Variants in RPS6KA2 observed in about 807,000 individuals in gnomAD.
RPS6KA2 encodes ribosomal protein S6 kinase A2, also known as ribosomal protein S6 kinase alpha-2.
In RPS6KA2, 42 loss-of-function variants were observed where a neutral mutation model predicts 91.8. The ratio of observed to expected loss-of-function variants is 0.46; its 90% CI spans 0.36 to 0.59. RPS6KA2 has a LOEUF of 0.59. RPS6KA2 is among the 20% of genes least tolerant of loss of function. The probability of loss-of-function intolerance (pLI) is 0.00; values close to 1 mark genes in which losing one functional copy is unlikely to be tolerated. For synonymous variants in RPS6KA2, 414 were observed against 393.6 expected (o/e 1.05, Z -0.61); for missense variants, 798 against 978.5 (o/e 0.82, Z 2.46).
At chr6:166,829,998 C>T (rs532733766) in intron 2 of RPS6KA2, among the ~76,000 whole-genome samples, 6 of 151,788 alleles carry the variant, frequency 4.0e-5, no homozygotes, top group East Asian at 3.9e-4. Flanking sequence ...TAGTGGTGGG[C>T]GCCTGTAATC....
rs114288405 is a variant in RPS6KA2 at position 166,485,033 on chromosome 6, C to T, written c.907+3800G>A. The stretch of plus-strand genomic sequence containing the variant: ...CCTGAGGCTCGAAGAACGACCTGTT[C>T]TCCTGGTTCATTAGAAATCCGCCCA... On this transcript the variant is annotated intron_variant, in intron 10 of 20. Coordinates refer to ENST00000265678, the MANE Select transcript of RPS6KA2 (RefSeq NM_021135.6). 1.9e-3 allele frequency among the ~76,000 whole-genome samples: 289 copies of T among 152,362 alleles called. 1 individual carries two copies. The highest frequency in any genetic ancestry group is 6.9e-3 in the African/African-American group (285 of 41,582).
At chr6:166,777,416 G>A (rs904721178) in intron 2 of RPS6KA2, among the ~76,000 whole-genome samples, 1 of 152,136 alleles carries the variant, frequency 6.6e-6, no homozygotes, top group Non-Finnish European at 1.5e-5. Flanking sequence ...CTGAAACTGA[G>A]CCACGGGGAA....
chr6:166,411,215 TTTA>T lies in RPS6KA2; in HGVS notation c.*1544_*1546del, dbSNP rs965437244. The T allele has an allele frequency of 2.7e-5, 4 of 148,918 alleles. No homozygotes were observed. Among genetic ancestry groups the T allele is most frequent in the African/African-American group, 1.0e-4 (4 of 38,346 alleles). 9.2% of individuals were successfully genotyped at this position (148,918 alleles called of 1,614,324 possible). A position where few individuals can be genotyped will look rare whatever the true frequency, so the allele number is the denominator to read the frequency against. On this transcript the variant is annotated 3_prime_UTR_variant, in exon 21 of 21. Coordinates refer to ENST00000265678, the MANE Select transcript of RPS6KA2 (RefSeq NM_021135.6). The surrounding 1 kb of genome is among the most constrained non-coding windows in gnomAD (Gnocchi z 4.5). The stretch of plus-strand genomic sequence containing the variant: ...TTTTCAGAACGCAGCACATTTTTTC[TTTA>T]TTTTTTTTTTTTTAGTTGGGTACGA...
At chr6:166,586,571 C>T in intron 1 of RPS6KA2, 1 of 1,237,904 alleles carries the variant, frequency 8.1e-7, no homozygotes, top group Non-Finnish European at 1.1e-6. Flanking sequence ...TCAGGCCGAA[C>T]CCCGCCGGCG....
intron 2 of RPS6KA2, among the ~76,000 whole-genome samples, chr6:166,829,589 C>CAAAAAAAAAA (rs57711560): frequency 1.0e-4 from 10 of 96,894 alleles, no homozygotes; most frequent in African/African-American, 3.8e-4. Context: ...GACTCTGTCT[C>CAAAAAAAAAA]AAAAAAAAAA....
Position 166,616,155 on chromosome 6 carries a change from C to A in RPS6KA2, c.99+10766G>T, listed in dbSNP as rs199801588. Among the ~76,000 whole-genome samples the A allele has an allele frequency of 2.0e-4, 31 of 152,284 alleles. No homozygotes were observed. The East Asian group carries it at 5.6e-3, about 28-fold the overall frequency. ...CCTGCCATGCCACCTGAGAGCCCCC[C>A]AGCACTCTGGAGTTTCATTTATTAC... On this transcript the variant is annotated intron_variant, in intron 1 of 20. Transcript: ENST00000265678.
intron 2 of RPS6KA2, among the ~76,000 whole-genome samples, chr6:166,750,521 G>A (rs933094236): frequency 3.9e-5 from 6 of 152,168 alleles, no homozygotes; most frequent in African/African-American, 1.2e-4. Context: ...CAGGCTCTGC[G>A]CTTGCTGGCC....
chr6:166,462,568 A>G (rs985677591), intron 11 of RPS6KA2, among the ~76,000 whole-genome samples: 1 of 152,110 alleles, frequency 6.6e-6, no homozygotes, highest in Non-Finnish European at 1.5e-5. Context: ...AGCCCAGGAC[A>G]CTGCGCCTGG....
At chr6:166,758,390 T>C (rs1778078253) in intron 2 of RPS6KA2, among the ~76,000 whole-genome samples, 1 of 152,218 alleles carries the variant, frequency 6.6e-6, no homozygotes, top group Non-Finnish European at 1.5e-5. Context: ...TTTGCTTTGT[T>C]TTCCTGATCA....
At chr6:166,447,792 G>A (rs973686564) in intron 14 of RPS6KA2, among the ~76,000 whole-genome samples, 1 of 152,140 alleles carries the variant, frequency 6.6e-6, no homozygotes, top group African/African-American at 2.4e-5. Context: ...GCGTAGCACC[G>A]TGTGCTACAG....
chr6:166,653,754 G>T (rs1369935327), intron 2 of RPS6KA2, among the ~76,000 whole-genome samples: 1 of 152,198 alleles, frequency 6.6e-6, no homozygotes, highest in African/African-American at 2.4e-5. Flanking sequence ...CGGCTCCCTG[G>T]TTACAGGACA....
Position 166,821,178 on chromosome 6 carries a change from C to A in RPS6KA2, c.123+37022G>T, listed in dbSNP as rs1779896021. Among the ~76,000 whole-genome samples, 1 of 152,190 alleles carries A rather than the reference C, an allele frequency of 6.6e-6. No individual in the cohort carries two copies. The highest frequency in any genetic ancestry group is 6.5e-5 in the Admixed American group (1 of 15,280). ...GATAAAATTGTATAAATGTAAAACA[C>A]ATCTAGCAAATTTGAAGTGTTATTT... On this transcript the variant is annotated intron_variant, in intron 2 of 21. Transcript: ENST00000503859. This position sits in a 1 kb window ranked among gnomAD's most constrained non-coding sequence, Gnocchi z 4.1.
At chr6:166,444,529 G>A (rs903426908) in intron 14 of RPS6KA2, among the ~76,000 whole-genome samples, 3 of 152,246 alleles carry the variant, frequency 2.0e-5, no homozygotes, top group Admixed American at 1.3e-4. Context: ...AAGAGGAAGC[G>A]CTGAGGGAAC....
upstream of RPS6KA2, among the ~76,000 whole-genome samples, chr6:166,630,040 T>C (rs916306381): frequency 2.6e-5 from 4 of 152,190 alleles, no homozygotes; most frequent in South Asian, 2.1e-4. Context: ...CCAATTCTAA[T>C]TGGCGAAGTC....
chr6:166,472,726 T>C (rs748773705), intron 10 of RPS6KA2, among the ~76,000 whole-genome samples: 1 of 152,196 alleles, frequency 6.6e-6, no homozygotes, highest in East Asian at 1.9e-4. Flanking sequence ...AGTGGAGTTC[T>C]GGGCGGGGAG....
intron 2 of RPS6KA2, among the ~76,000 whole-genome samples, chr6:166,750,388 G>A (rs1314446480): frequency 6.6e-6 from 1 of 151,814 alleles, no homozygotes; most frequent in Non-Finnish European, 1.5e-5. Context: ...ACGCACATCT[G>A]TGACACACTC....
At chr6:166,642,513 A>T (rs1787475204) in intron 2 of RPS6KA2, among the ~76,000 whole-genome samples, 1 of 152,248 alleles carries the variant, frequency 6.6e-6, no homozygotes, top group African/African-American at 2.4e-5. Flanking sequence ...CGGGACAGTG[A>T]TCAGTTAAAA....
intron 2 of RPS6KA2, among the ~76,000 whole-genome samples, chr6:166,685,923 T>C (rs1382953455): frequency 6.6e-6 from 1 of 152,148 alleles, no homozygotes; most frequent in Non-Finnish European, 1.5e-5. Context: ...ACCATGGTGA[T>C]GGACGATGGG....
intron 1 of RPS6KA2, among the ~76,000 whole-genome samples, chr6:166,545,455 C>A (rs78098725): frequency 9.4e-4 from 143 of 152,280 alleles, no homozygotes; most frequent in Non-Finnish European, 2.0e-3. Context: ...TGAAGCTCCT[C>A]GGAACTGAGG....
Sources: allele counts gnomAD v4.1 joint callset (sites outside exome capture counted in the v4.1 genomes callset), GRCh38; gene constraint gnomAD v4.1.1; non-coding constraint Gnocchi (gnomAD v3.1); transcripts MANE v1.5; gene names NCBI Gene and HGNC (gene_info 2026-07-23, HGNC 2026-07-21).